KCNT2: variants seen among roughly 807,000 people sequenced by gnomAD.
KCNT2 encodes the protein potassium channel subfamily T member 2.
KCNT2 carries 67 observed loss-of-function variants against 153.8 expected under a neutral mutation model. The ratio of observed to expected loss-of-function variants is 0.44; its 90% CI spans 0.36 to 0.53. The LOEUF (loss-of-function observed/expected upper bound fraction) is 0.53. KCNT2 is among the 20% of genes least tolerant of loss of function. KCNT2 has a pLI of 0.00. For synonymous variants in KCNT2, 500 were observed against 458.8 expected, an observed-to-expected ratio of 1.09 and a Z score of -1.15; for missense variants, 975 against 1,354.8, an observed-to-expected ratio of 0.72 and a Z score of 4.40.
At chr1:196,241,397 C>T (rs1654948149) in intron 26 of KCNT2, among the ~76,000 whole-genome samples, 1 of 151,928 alleles carries the variant, frequency 6.6e-6, no homozygotes, top group Non-Finnish European at 1.5e-5. Context: ...ACTCAATTTG[C>T]TCATGTATTC....
intron 13 of KCNT2, among the ~76,000 whole-genome samples, chr1:196,383,759 C>T (rs538434598): frequency 6.6e-6 from 1 of 152,104 alleles, no homozygotes; most frequent in East Asian, 1.9e-4. Context: ...AAAATGTAAC[C>T]CCAGCACTTG....
chr1:196,350,617 G>T (rs149836297), intron 14 of KCNT2, among the ~76,000 whole-genome samples: 1 of 152,124 alleles, frequency 6.6e-6, no homozygotes, highest in Non-Finnish European at 1.5e-5. Context: ...TCTGTCAGAT[G>T]AGTAGGCTGC....
At chr1:196,281,759 CA>C (rs1659121911) in intron 24 of KCNT2, among the ~76,000 whole-genome samples, 3 of 150,536 alleles carry the variant, frequency 2.0e-5, no homozygotes, top group Non-Finnish European at 3.0e-5. Context: ...ATTCATTCAA[CA>C]TTTTTTTTTT....
intron 1 of KCNT2, among the ~76,000 whole-genome samples, chr1:196,562,547 T>A (rs972388397): frequency 1.3e-5 from 2 of 151,934 alleles, no homozygotes; most frequent in African/African-American, 4.8e-5. Context: ...AATTTGGACA[T>A]GAAAGGAGCA....
At chr1:196,382,696 T>C (rs1267855113) in intron 13 of KCNT2, among the ~76,000 whole-genome samples, 2 of 151,902 alleles carry the variant, frequency 1.3e-5, no homozygotes, top group African/African-American at 4.8e-5. Flanking sequence ...ATTTGGAAAA[T>C]AAGTTGCAAA....
At chr1:196,549,876 T>C (rs183207593) in intron 1 of KCNT2, among the ~76,000 whole-genome samples, 8 of 151,970 alleles carry the variant, frequency 5.3e-5, no homozygotes, top group South Asian at 2.1e-4. Flanking sequence ...AAGAGTTCAG[T>C]AGGAAATCTC....
intron 26 of KCNT2, among the ~76,000 whole-genome samples, chr1:196,250,490 G>A (rs898368800): frequency 6.6e-6 from 1 of 152,088 alleles, no homozygotes; most frequent in Non-Finnish European, 1.5e-5. Context: ...CAAAATTCAA[G>A]AGTTAAATTT....
At chr1:196,334,513 G>A (rs566037546) in intron 16 of KCNT2, among the ~76,000 whole-genome samples, 53 of 31,308 alleles carry the variant, frequency 1.7e-3, no homozygotes, top group Non-Finnish European at 2.7e-3. Flanking sequence ...ACAGAGTCTC[G>A]CTCCAGGCTG....
At chr1:196,300,300 T>C (rs1661064937) in intron 22 of KCNT2, among the ~76,000 whole-genome samples, 2 of 152,214 alleles carry the variant, frequency 1.3e-5, no homozygotes, top group Admixed American at 1.3e-4. Flanking sequence ...TAGTTATCCT[T>C]CCGTGTTTTT....
chr1:196,277,841 T>A (rs772727123), intron 25 of KCNT2, among the ~76,000 whole-genome samples: 3 of 152,128 alleles, frequency 2.0e-5, no homozygotes, highest in Admixed American at 1.3e-4. Flanking sequence ...CGTTTTTATA[T>A]AATCTTAAAA....
chr1:196,331,151 C>G lies in KCNT2; in HGVS notation c.2103+5G>C, dbSNP rs775438068. 1.3e-5 allele frequency: 19 copies of G among 1,506,562 alleles called. No homozygotes were observed. The highest frequency in any genetic ancestry group is 1.8e-5 in the Non-Finnish European group (19 of 1,083,310). 93.3% of individuals were successfully genotyped at this position (1,506,562 alleles called of 1,614,324 possible). On this transcript the variant is annotated splice_donor_5th_base_variant and intron_variant, in intron 18 of 27. Transcript: ENST00000294725. ...GTAAACAAAAAAGCATCAACAAGTA[C>G]TTACCTTGTCTAATCTTAAGCAGCA...
chr1:196,562,277 C>T (rs930712034), intron 1 of KCNT2, among the ~76,000 whole-genome samples: 2 of 151,868 alleles, frequency 1.3e-5, no homozygotes, highest in African/African-American at 4.8e-5. Flanking sequence ...TAGTGTCAGG[C>T]TGGAATTTGG....
At chr1:196,557,989 C>T (rs994750944) in intron 1 of KCNT2, among the ~76,000 whole-genome samples, 5 of 151,310 alleles carry the variant, frequency 3.3e-5, no homozygotes, top group African/African-American at 1.2e-4. Flanking sequence ...AGTTGCACAA[C>T]CTGACAGAGA....
chr1:196,256,767 G>A (rs1190240440), intron 26 of KCNT2, among the ~76,000 whole-genome samples: 3 of 150,826 alleles, frequency 2.0e-5, no homozygotes, highest in Non-Finnish European at 4.4e-5. Flanking sequence ...AACAGTGTTA[G>A]TGTCAGAAGC....
intron 12 of KCNT2, among the ~76,000 whole-genome samples, chr1:196,410,517 T>C (rs977705841): frequency 6.6e-6 from 1 of 151,408 alleles, no homozygotes; most frequent in Non-Finnish European, 1.5e-5. Flanking sequence ...CATACACATA[T>C]GTAACTAACC....
intron 22 of KCNT2, among the ~76,000 whole-genome samples, chr1:196,298,695 G>A (rs1331960240): frequency 6.6e-6 from 1 of 151,266 alleles, no homozygotes; most frequent in Non-Finnish European, 1.5e-5. Context: ...TTGGAGTTGA[G>A]GGTAAAGGCT....
intron 12 of KCNT2, among the ~76,000 whole-genome samples, chr1:196,419,820 C>T (rs1424592152): frequency 6.6e-6 from 1 of 151,904 alleles, no homozygotes; most frequent in Non-Finnish European, 1.5e-5. Flanking sequence ...TCCTCATATG[C>T]CTTTTCCTTT....
chr1:196,422,440 A>C (rs1031687543), intron 12 of KCNT2, among the ~76,000 whole-genome samples: 3 of 151,944 alleles, frequency 2.0e-5, no homozygotes, highest in Non-Finnish European at 4.4e-5. Context: ...AGCACTTAAA[A>C]AAATTATAAA....
chr1:196,338,888 G>A (rs1411900690), intron 16 of KCNT2, among the ~76,000 whole-genome samples: 1 of 143,960 alleles, frequency 6.9e-6, no homozygotes, highest in East Asian at 2.1e-4. Context: ...AGAGCGGGTG[G>A]TGAAAAGTCA....
Sources: allele counts gnomAD v4.1 joint callset (sites outside exome capture counted in the v4.1 genomes callset), GRCh38; gene constraint gnomAD v4.1.1; transcripts MANE v1.5; gene names NCBI Gene and HGNC (gene_info 2026-07-23, HGNC 2026-07-21).